ABHD12B: variants seen among roughly 807,000 people sequenced by gnomAD.
ABHD12B encodes the protein protein ABHD12B.
Under a neutral mutation model 50.4 loss-of-function variants are expected in ABHD12B, and 42 were observed. The ratio of observed to expected loss-of-function variants is 0.83; its 90% CI spans 0.65 to 1.08. The LOEUF (loss-of-function observed/expected upper bound fraction) is 1.08, where lower values mean the gene tolerates loss of function less well. Ranked by LOEUF, ABHD12B falls within the 50% of genes least tolerant of loss-of-function variation. The pLI is 0.00. For synonymous variants in ABHD12B, 167 were observed against 160.3 expected, an observed-to-expected ratio of 1.04 and a Z score of -0.32; for missense variants, 479 against 447.7, an observed-to-expected ratio of 1.07 and a Z score of -0.63.
intron 10 of ABHD12B, among the ~76,000 whole-genome samples, chr14:50,902,363 C>T (rs138373992): frequency 1.7e-3 from 259 of 152,208 alleles, no homozygotes; most frequent in Middle Eastern, 6.8e-3. Flanking sequence ...ACGTGCCTGT[C>T]ATCCCAACTA....
intron 5 of ABHD12B, among the ~76,000 whole-genome samples, chr14:50,884,087 C>G (rs1222706567): frequency 6.6e-6 from 1 of 152,196 alleles, no homozygotes; most frequent in Non-Finnish European, 1.5e-5. Context: ...TATTTATAAG[C>G]AATTGTTTAC....
intron 8 of ABHD12B, among the ~76,000 whole-genome samples, chr14:50,888,209 T>TG (rs2050067764): frequency 1.5e-4 from 1 of 6,482 alleles, no homozygotes; most frequent in Non-Finnish European, 3.0e-3. Context: ...GCTTTCTTTC[T>TG]TTTTTTTTTT....
chr14:50,880,631 G>C, intron 4 of ABHD12B, 60 bp downstream of exon 4: 1 of 1,464,132 alleles, frequency 6.8e-7, no homozygotes, highest in Non-Finnish European at 9.1e-7. Context: ...CAGCCCCATG[G>C]GGGAATGAAG....
intron 7 of ABHD12B, 25 bp from the exon 8 acceptor site, chr14:50,886,622 T>C: frequency 1.9e-6 from 3 of 1,604,132 alleles, no homozygotes; most frequent in Non-Finnish European, 2.6e-6. Flanking sequence ...GCTTAACACA[T>C]GTACTAATTT....
Position 50,904,361 on chromosome 14 carries a change from T to G in ABHD12B, c.1084T>G (p.Ser362Ala). Reference sequence around the variant, plus strand: ...CAGAGATTTCCTGAGCAAGCAGTGGTCATGAGTCTGGGAGGAGTGGAAATC... The same window carrying G: ...CAGAGATTTCCTGAGCAAGCAGTGGGCATGAGTCTGGGAGGAGTGGAAATC... The part of the protein sequence containing the change: ...TVRDFLSKQW[S>A] Residue 362 changes from serine to alanine, a missense_variant, in exon 13 of 13, where the codon TCA becomes GCA. Coordinates refer to ENST00000337334, the MANE Select transcript of ABHD12B (RefSeq NM_001206673.2). 1.2e-6 allele frequency: 2 copies of G among 1,613,930 alleles called. No individual in the cohort carries two copies. Among genetic ancestry groups the G allele is most frequent in the Non-Finnish European group, 1.7e-6 (2 of 1,179,876 alleles).
Position 50,878,855 on chromosome 14 carries a change from C to T in ABHD12B, c.335+8C>T. ...GGTGATGCTAGGGATCTGGTGAGTG[C>T]ACGGATGGGACACCGGGTTGCTTGA... On this transcript the variant is annotated splice_region_variant and intron_variant, in intron 3 of 12. Transcript: ENST00000337334. 2 of 1,610,882 alleles carry T rather than the reference C, an allele frequency of 1.2e-6. No individual in the cohort carries two copies. The highest frequency in any genetic ancestry group is 8.5e-7 in the Non-Finnish European group (1 of 1,177,168).
At chr14:50,876,802 A>T (rs2049869848) in intron 1 of ABHD12B, among the ~76,000 whole-genome samples, 1 of 152,198 alleles carries the variant, frequency 6.6e-6, no homozygotes, top group East Asian at 1.9e-4. Context: ...AGGGCAGGGG[A>T]GACAATTTAT....
intron 1 of ABHD12B, among the ~76,000 whole-genome samples, chr14:50,872,495 C>A (rs1480152242): frequency 6.6e-6 from 1 of 152,210 alleles, no homozygotes; most frequent in Non-Finnish European, 1.5e-5. Flanking sequence ...CAACCTGGAC[C>A]AGCGAGACTC....
At chr14:50,897,071 G>GTTTTTT (rs546998445) in intron 9 of ABHD12B, among the ~76,000 whole-genome samples, 2 of 128,038 alleles carry the variant, frequency 1.6e-5, no homozygotes, top group Non-Finnish European at 3.3e-5. Flanking sequence ...ATTTAGTTTA[G>GTTTTTT]TTTTTTTTTT....
At chr14:50,903,568 C>A in intron 11 of ABHD12B, 101 bp downstream of exon 11, 1 of 923,718 alleles carries the variant, frequency 1.1e-6, no homozygotes, top group East Asian at 2.6e-5. Context: ...GGGTCTCTGA[C>A]ATTATAGGAG....
chr14:50,878,749 A>G lies in ABHD12B; in HGVS notation c.237A>G (p.Lys79=), dbSNP rs779253278. 3.7e-6 allele frequency: 6 copies of G among 1,612,858 alleles called. No homozygotes were observed. In the Admixed American group the frequency reaches 1.0e-4, roughly 27 times the overall value. ...IDMLIYFNFF[K]APFLVDLKKP... is the part of the protein sequence containing the mutation. ...ATAATGATTTTTACTTTCCAGTCAA[A>G]GCCCCATTTCTTGTGGATTTAAAGA... Residue 79 remains lysine, a synonymous_variant, in exon 3 of 13, where the codon AAA becomes AAG. Coordinates refer to ENST00000337334, the MANE Select transcript of ABHD12B (RefSeq NM_001206673.2).
At chr14:50,900,309 A>G (rs2050248483) in intron 9 of ABHD12B, among the ~76,000 whole-genome samples, 1 of 152,250 alleles carries the variant, frequency 6.6e-6, no homozygotes, top group Non-Finnish European at 1.5e-5. Flanking sequence ...ATGACAGATA[A>G]TAACAAAGTG....
In ABHD12B at chr14:50,904,347, T is replaced by G. The variant is rs1380252438; in HGVS notation, c.1070T>G (p.Leu357Arg). Residue 357 changes from leucine (L) to arginine (R), a missense_variant, in exon 13 of 13, where the codon CTG becomes CGG. Leu to Arg is a moderately radical substitution (Grantham distance 102). Coordinates refer to ENST00000337334, the MANE Select transcript of ABHD12B (RefSeq NM_001206673.2). ...PTLLITVRDF[L>R]SKQWS ...GGGTCCTTTTTCTACAGAGATTTCC[T>G]GAGCAAGCAGTGGTCATGAGTCTGG... 6.2e-7 allele frequency: 1 copy of G among 1,613,968 alleles called. No homozygotes were observed.
chr14:50,881,673 A>G (rs765740125), intron 5 of ABHD12B, 47 bp downstream of exon 5: 4 of 1,606,008 alleles, frequency 2.5e-6, no homozygotes, highest in Non-Finnish European at 2.5e-6. Context: ...AGTCTGTTTG[A>G]TATGTCATAA....
rs564710972 is a variant in ABHD12B, at chr14:50,897,811, A to C, written c.781-4018A>C. Among the ~76,000 whole-genome samples, 52 of 152,366 alleles carry C rather than the reference A, an allele frequency of 3.4e-4. 2 individuals are homozygous for C. In the South Asian group the frequency reaches 0.011, roughly 31 times the overall value. ...GGTTGTTGTGAAGACTGAATTAAGTAAGATAATGTATGTAAAGTACCCAGC... is the reference window on the plus strand; with the variant it reads ...GGTTGTTGTGAAGACTGAATTAAGTCAGATAATGTATGTAAAGTACCCAGC... On this transcript the variant is annotated intron_variant, in intron 9 of 12. Transcript: ENST00000337334.
intron 5 of ABHD12B, among the ~76,000 whole-genome samples, chr14:50,884,459 T>C (rs1321721810): frequency 6.6e-6 from 1 of 152,196 alleles, no homozygotes; most frequent in Non-Finnish European, 1.5e-5. Context: ...TAAAATGCAG[T>C]GGGAGGAAGC....
intron 9 of ABHD12B, among the ~76,000 whole-genome samples, chr14:50,900,522 G>C (rs2050250733): frequency 6.6e-6 from 1 of 152,176 alleles, no homozygotes; most frequent in Non-Finnish European, 1.5e-5. Context: ...CCAATAGTGA[G>C]AAGTTCTGTG....
chr14:50,872,157 A>C lies in ABHD12B; in HGVS notation c.-18A>C, dbSNP rs11850408. ...GCAGCTCCCGCGGCGGTGGCGGCGT[A>C]TCGGGACACGGCGCGGGATGGACGC... On this transcript the variant is annotated 5_prime_UTR_variant, in exon 1 of 13. Coordinates refer to ENST00000337334, the MANE Select transcript of ABHD12B (RefSeq NM_001206673.2). 1,266,342 of 1,287,528 alleles carry C rather than the reference A, an allele frequency of 0.98. 624,095 individuals are homozygous for C. The highest frequency in any genetic ancestry group is 1 in the Non-Finnish European group (1,014,816 of 1,016,910). 79.8% of individuals were successfully genotyped at this position (1,287,528 alleles called of 1,614,324 possible).
intron 2 of ABHD12B, 28 bp downstream of exon 2, chr14:50,878,107 C>A: frequency 1.3e-6 from 2 of 1,489,482 alleles, no homozygotes; most frequent in Non-Finnish European, 1.8e-6. Context: ...ATAAATTTTC[C>A]TATATAATTT....
Sources: allele counts gnomAD v4.1 joint callset (sites outside exome capture counted in the v4.1 genomes callset), GRCh38; gene constraint gnomAD v4.1.1; transcripts MANE v1.5; gene names NCBI Gene and HGNC (gene_info 2026-07-23, HGNC 2026-07-21).